Variants in PARP11 observed in about 807,000 individuals in gnomAD.
PARP11 encodes poly(ADP-ribose) polymerase family member 11.
In PARP11, 31 loss-of-function variants were observed where a neutral mutation model predicts 42.9. That is an observed-to-expected ratio of 0.72 (90% confidence interval 0.54 to 0.98). The LOEUF (loss-of-function observed/expected upper bound fraction) is 0.98. Ranked by LOEUF, PARP11 falls within the 50% of genes least tolerant of loss-of-function variation. PARP11 has a pLI of 0.00. For missense variants in PARP11, 365 were observed against 413.1 expected, an observed-to-expected ratio of 0.88 and a Z score of 1.01; for synonymous variants, 137 against 127.3, an observed-to-expected ratio of 1.08 and a Z score of -0.51.
chr12:3,817,108 A>G (rs537921804), intron 6 of PARP11, among the ~76,000 whole-genome samples: 3 of 151,966 alleles, frequency 2.0e-5, no homozygotes, highest in Non-Finnish European at 4.4e-5. Context: ...GGAGAATGGC[A>G]TGAACCCCGG....
intron 1 of PARP11, among the ~76,000 whole-genome samples, chr12:3,846,599 A>G (rs1337094735): frequency 6.6e-6 from 1 of 151,830 alleles, no homozygotes; most frequent in Non-Finnish European, 1.5e-5. Flanking sequence ...TACTAAAAAT[A>G]CAAAAAAATT....
At chr12:3,842,965 T>C (rs1301289206) in intron 1 of PARP11, among the ~76,000 whole-genome samples, 3 of 152,216 alleles carry the variant, frequency 2.0e-5, no homozygotes, top group Non-Finnish European at 2.9e-5. Flanking sequence ...TAGAAATGTC[T>C]ATTTTATTAT....
At position 3,830,008 on chromosome 12, in the gene PARP11, T is replaced by G; in HGVS notation, c.29A>C (p.His10Pro). ...TTTAGAAAATAATTCTTCTGCTTTGTGAAACATCTCCTGAAAAGCCAGAAG... is the reference window on the plus strand; with the variant it reads ...TTTAGAAAATAATTCTTCTGCTTTGGGAAACATCTCCTGAAAAGCCAGAAG... MWEANPEMF[H>P]KAEELFSKTT... The change falls in exon 2 of 8, where the codon CAC (histidine) becomes CCC (proline). Residue 10 changes from histidine (H) to proline (P), a missense_variant. By Grantham distance (77) the His-to-Pro change is moderately conservative (BLOSUM62 -2). Transcript: ENST00000228820. 1 of 1,613,710 alleles carries G rather than the reference T, an allele frequency of 6.2e-7. No homozygotes were observed. The highest frequency in any genetic ancestry group is 8.5e-7 in the Non-Finnish European group (1 of 1,179,626).
At chr12:3,849,457 T>C (rs1291479560) in intron 1 of PARP11, among the ~76,000 whole-genome samples, 2 of 152,136 alleles carry the variant, frequency 1.3e-5, no homozygotes, top group Non-Finnish European at 2.9e-5. Context: ...ATATACACAA[T>C]GGATTATCGA....
intron 1 of PARP11, among the ~76,000 whole-genome samples, chr12:3,858,849 G>C (rs1361732555): frequency 2.6e-5 from 4 of 151,924 alleles, no homozygotes; most frequent in Non-Finnish European, 5.9e-5. Flanking sequence ...CAGCACCCTG[G>C]GAGGCCCAGG....
intron 1 of PARP11, among the ~76,000 whole-genome samples, chr12:3,859,191 G>C (rs1412348807): frequency 6.6e-6 from 1 of 151,946 alleles, no homozygotes; most frequent in African/African-American, 2.4e-5. Flanking sequence ...TTAGACTTGG[G>C]TACTATCTCC....
chr12:3,827,160 T>C (rs1004614388), intron 3 of PARP11, among the ~76,000 whole-genome samples: 2 of 152,178 alleles, frequency 1.3e-5, no homozygotes, highest in Non-Finnish European at 2.9e-5. Context: ...ACCATTTTTA[T>C]AGAGAAAACC....
At chr12:3,824,392 A>G (rs145372104) in intron 4 of PARP11, among the ~76,000 whole-genome samples, 16 of 152,326 alleles carry the variant, frequency 1.1e-4, no homozygotes, top group Non-Finnish European at 2.2e-4. Flanking sequence ...CACTTGGCCT[A>G]AAGTATCTTT....
intron 1 of PARP11, among the ~76,000 whole-genome samples, chr12:3,837,976 AGG>A (rs1947801551): frequency 6.6e-6 from 1 of 151,486 alleles, no homozygotes; most frequent in Non-Finnish European, 1.5e-5. Flanking sequence ...ACTTAAAGTG[AGG>A]GGTAGACTGC....
intron 4 of PARP11, chr12:3,824,696 T>G (rs1947478874): frequency 2.3e-6 from 2 of 860,442 alleles, no homozygotes; most frequent in African/African-American, 3.6e-5. Context: ...AACAAAGTGT[T>G]TGATCCCATC....
intron 1 of PARP11, chr12:3,841,526 T>C (rs185764912): frequency 5.7e-6 from 9 of 1,591,274 alleles, no homozygotes; most frequent in Middle Eastern, 3.3e-4. Context: ...CAGCCAGTGA[T>C]TGGACCGCCG....
At chr12:3,858,963 G>T (rs1224846081) in intron 1 of PARP11, among the ~76,000 whole-genome samples, 1 of 151,782 alleles carries the variant, frequency 6.6e-6, no homozygotes, top group East Asian at 1.9e-4. Flanking sequence ...CAGGTGTGGT[G>T]GTAGGCGCCT....
intron 1 of PARP11, among the ~76,000 whole-genome samples, chr12:3,852,545 A>C (rs1268015153): frequency 6.6e-6 from 1 of 152,222 alleles, no homozygotes; most frequent in Admixed American, 6.5e-5. Context: ...TCAGTGACTG[A>C]AGATCAAATG....
chr12:3,812,395 T>C lies in PARP11; in HGVS notation c.745A>G (p.Lys249Glu), dbSNP rs1182851082. 6.2e-7 allele frequency: 1 copy of C among 1,614,138 alleles called. No homozygotes were observed. Among genetic ancestry groups the C allele is most frequent in the East Asian group, 2.2e-5 (1 of 44,888 alleles). Reference sequence around the variant, plus strand: ...GTGTTCCCATGCTTTATGTCATCTTTGCAGAAACGACTGGAATAAGCAGCA... The same window carrying C: ...GTGTTCCCATGCTTTATGTCATCTTCGCAGAAACGACTGGAATAAGCAGCA... ...RDAAYSSRFC[K>E]DDIKHGNTFQ... The change falls in exon 8 of 8, where the codon AAA becomes GAA. Residue 249 changes from lysine to glutamate, a missense_variant. By Grantham distance (56) the Lys-to-Glu change is moderately conservative (BLOSUM62 1). Transcript: ENST00000228820.
At chr12:3,819,187 C>G (rs907293355) in intron 6 of PARP11, among the ~76,000 whole-genome samples, 1 of 152,192 alleles carries the variant, frequency 6.6e-6, no homozygotes, top group Non-Finnish European at 1.5e-5. Flanking sequence ...CTCCCTTATT[C>G]ACTCCATCGC....
chr12:3,853,201 C>T (rs536735063), intron 1 of PARP11, among the ~76,000 whole-genome samples: 3 of 152,300 alleles, frequency 2.0e-5, no homozygotes, highest in South Asian at 2.1e-4. Context: ...TAAAGACCAT[C>T]GATGCTAGGA....
chr12:3,820,076 G>A (rs754252422), intron 6 of PARP11, among the ~76,000 whole-genome samples: 1 of 152,174 alleles, frequency 6.6e-6, no homozygotes, highest in Non-Finnish European at 1.5e-5. Context: ...CTCACTTTGT[G>A]CTCCCATGAC....
At chr12:3,839,444 G>T in intron 1 of PARP11, 1 of 1,606,818 alleles carries the variant, frequency 6.2e-7, no homozygotes, top group Non-Finnish European at 8.5e-7. Context: ...TGCCTGTTCC[G>T]GGCCGTGGCG....
intron 7 of PARP11, 27 bp downstream of exon 7, chr12:3,814,010 A>G (rs1308326555): frequency 1.3e-6 from 2 of 1,525,368 alleles, no homozygotes; most frequent in Non-Finnish European, 1.8e-6. Context: ...CTGGGGCTCA[A>G]ATTGGACCTG....
Sources: gnomAD v4.1 joint callset for allele counts (sites outside exome capture counted in the v4.1 genomes callset) on GRCh38, gnomAD v4.1.1 for gene constraint, MANE v1.5 for transcripts, NCBI Gene and HGNC (gene_info 2026-07-23, HGNC 2026-07-21) for gene names.